MUC7: variants seen among roughly 807,000 people sequenced by gnomAD.
MUC7 encodes mucin 7, secreted.
In MUC7, 2 loss-of-function variants were observed where a neutral mutation model predicts 2.5. That is an observed-to-expected ratio of 0.81 (90% confidence interval 0.33 to 2.55). MUC7 has a LOEUF of 2.55. Among genes scored for constraint, MUC7 ranks in the 30% most tolerant of loss-of-function variants. MUC7 has a pLI of 0.11. For missense variants in MUC7, 408 were observed against 455.6 expected, an observed-to-expected ratio of 0.90 and a Z score of 0.95; for synonymous variants, 133 against 173.4, an observed-to-expected ratio of 0.77 and a Z score of 1.83.
intron 2 of MUC7, 56 bp from the exon 3 acceptor site, chr4:70,480,743 C>T: frequency 6.4e-7 from 1 of 1,567,708 alleles, no homozygotes; most frequent in Non-Finnish European, 8.7e-7. Flanking sequence ...GCAGTGATCA[C>T]CTGATTGATA....
At chr4:70,470,498 A>G (rs1264620245), upstream of MUC7, among the ~76,000 whole-genome samples, 1 of 152,222 alleles carries the variant, frequency 6.6e-6, no homozygotes, top group African/African-American at 2.4e-5. Context: ...ATGTCCAGAT[A>G]TTCTTATATT....
At chr4:70,462,088 C>G (rs1734570581) in intron 1 of MUC7, among the ~76,000 whole-genome samples, 1 of 151,950 alleles carries the variant, frequency 6.6e-6, no homozygotes, top group Admixed American at 6.6e-5. Flanking sequence ...TGGCAGACAC[C>G]TGTAGTCCCA....
intron 1 of MUC7, among the ~76,000 whole-genome samples, chr4:70,436,736 C>T (rs1733847421): frequency 6.6e-6 from 1 of 152,132 alleles, no homozygotes; most frequent in Admixed American, 6.5e-5. Context: ...GCTTTGTTTC[C>T]TTGCTGGCAA....
chr4:70,442,383 G>A (rs76032366), intron 1 of MUC7, among the ~76,000 whole-genome samples: 2,104 of 152,208 alleles, frequency 0.014, 31 homozygotes, highest in South Asian at 0.039. Context: ...GCCAGGTCTT[G>A]GCCCCTGGCC....
At chr4:70,463,963 T>C (rs35753302) in intron 1 of MUC7, among the ~76,000 whole-genome samples, 30,183 of 152,074 alleles carry the variant, frequency 0.2, 3,562 homozygotes, top group African/African-American at 0.32. Context: ...CATCCGAAAA[T>C]AGCCAAATAG....
upstream of MUC7, among the ~76,000 whole-genome samples, chr4:70,470,074 G>T (rs1415516151): frequency 3.9e-5 from 6 of 152,078 alleles, no homozygotes; most frequent in Non-Finnish European, 5.9e-5. Flanking sequence ...ATACTATGCA[G>T]CCATAAAAAA....
chr4:70,440,623 C>G (rs556391065), intron 1 of MUC7, among the ~76,000 whole-genome samples: 1 of 152,016 alleles, frequency 6.6e-6, no homozygotes, highest in Non-Finnish European at 1.5e-5. Context: ...AAAGAAAAGA[C>G]ACATTTAAGG....
Position 70,481,320 on chromosome 4 carries a change from A to G in MUC7, c.576A>G (p.Pro192=). ...SSAPPETTAA[P]PTPSATTQAP... Reference sequence around the variant, plus strand: ...CTCCACCAGAGACCACAGCTGCCCCACCCACACCTTCTGCAACTACACAAG... The same window carrying G: ...CTCCACCAGAGACCACAGCTGCCCCGCCCACACCTTCTGCAACTACACAAG... Residue 192 remains proline, a synonymous_variant, in exon 3 of 3, where the codon CCA becomes CCG. Transcript: ENST00000304887. The G allele has an allele frequency of 1.2e-6, 2 of 1,609,618 alleles. No individual in the cohort carries two copies. The highest frequency in any genetic ancestry group is 8.5e-7 in the Non-Finnish European group (1 of 1,178,674).
intron 1 of MUC7, among the ~76,000 whole-genome samples, chr4:70,463,748 G>C (rs145465147): frequency 2.6e-5 from 4 of 152,082 alleles, no homozygotes; most frequent in Admixed American, 2.6e-4. Flanking sequence ...CTTTAACACC[G>C]TAAGAACATT....
At chr4:70,468,745 T>C (rs7688548), upstream of MUC7, among the ~76,000 whole-genome samples, 82,002 of 151,978 alleles carry the variant, frequency 0.54, 22,473 homozygotes, top group East Asian at 0.78. Flanking sequence ...CACTGCTCAA[T>C]GAAATAAGAC....
intron 1 of MUC7, among the ~76,000 whole-genome samples, chr4:70,451,561 G>A (rs1330150070): frequency 6.6e-6 from 1 of 151,952 alleles, no homozygotes; most frequent in Non-Finnish European, 1.5e-5. Flanking sequence ...CCATGTGTTT[G>A]TATACTTTCC....
chr4:70,461,685 A>C (rs934751633), intron 1 of MUC7, among the ~76,000 whole-genome samples: 2 of 152,168 alleles, frequency 1.3e-5, no homozygotes, highest in Non-Finnish European at 2.9e-5. Context: ...TCTCTCAATG[A>C]GGAAGAGCCT....
At position 70,482,838 on chromosome 4, in the gene MUC7, C is replaced by T. The variant is rs1354935565; in HGVS notation, c.*960C>T. 1 of 152,098 alleles carries T rather than the reference C, an allele frequency of 6.6e-6. No homozygotes were observed. Among genetic ancestry groups the T allele is most frequent in the Non-Finnish European group, 1.5e-5 (1 of 67,988 alleles). The allele number at this position is 152,098 out of a possible 1,614,324, so 9.4% of individuals were successfully genotyped here. On this transcript the variant is annotated 3_prime_UTR_variant, in exon 3 of 3. Transcript: ENST00000304887. ...CAGAATTGTCTCTGAAAATAAAAAC[C>T]CTGACTTTAGTTGTAAAACAATAAA...
intron 2 of MUC7, among the ~76,000 whole-genome samples, chr4:70,480,172 C>T (rs368770771): frequency 2.4e-4 from 37 of 152,124 alleles, no homozygotes; most frequent in African/African-American, 8.0e-4. Flanking sequence ...CATGAACCCC[C>T]GAATCATGAA....
chr4:70,458,963 T>C (rs554681462), intron 1 of MUC7, among the ~76,000 whole-genome samples: 1 of 152,282 alleles, frequency 6.6e-6, no homozygotes, highest in African/African-American at 2.4e-5. Flanking sequence ...CTGATAAAAG[T>C]TATAGTCTAT....
At chr4:70,478,540 C>T (rs1735073152) in intron 2 of MUC7, among the ~76,000 whole-genome samples, 1 of 152,190 alleles carries the variant, frequency 6.6e-6, no homozygotes, top group African/African-American at 2.4e-5. Context: ...TGACCAAAGT[C>T]ACTCAGCTAT....
Position 70,462,389 on chromosome 4 carries a change from T to C in MUC7, c.-92-9826T>C, listed in dbSNP as rs184723087. 1.2e-3 allele frequency among the ~76,000 whole-genome samples: 183 copies of C among 152,346 alleles called. 2 individuals are homozygous for C. Among genetic ancestry groups the C allele is most frequent in the East Asian group, 9.6e-4 (5 of 5,190 alleles). On this transcript the variant is annotated intron_variant, in intron 1 of 3. Transcript: ENST00000413702. ...TTAAGAAAATTTCAATGTCACCTTA[T>C]CCATTATAGTTCAATGATTCTGTTA... is the stretch of plus-strand genomic sequence containing the variant.
At chr4:70,469,575 AC>A (rs534499607), upstream of MUC7, among the ~76,000 whole-genome samples, 3 of 152,134 alleles carry the variant, frequency 2.0e-5, no homozygotes, top group Non-Finnish European at 4.4e-5. Flanking sequence ...AAAGCAAACA[AC>A]CCCATCAAAA....
chr4:70,457,211 G>T (rs918029885), intron 1 of MUC7, among the ~76,000 whole-genome samples: 3 of 152,154 alleles, frequency 2.0e-5, no homozygotes, highest in African/African-American at 7.2e-5. Flanking sequence ...GGGAAGCCAA[G>T]GGGGGAGGAC....
Sources: allele counts gnomAD v4.1 joint callset (sites outside exome capture counted in the v4.1 genomes callset), GRCh38; gene constraint gnomAD v4.1.1; transcripts MANE v1.5; gene names NCBI Gene and HGNC (gene_info 2026-07-23, HGNC 2026-07-21).